ABLIM1: variants seen among roughly 807,000 people sequenced by gnomAD.
ABLIM1 encodes actin binding LIM protein 1.
In ABLIM1, 40 loss-of-function variants were observed where a neutral mutation model predicts 107.0. That is an observed-to-expected ratio of 0.37 (90% CI 0.29 to 0.49). ABLIM1 has a LOEUF of 0.49. ABLIM1 is among the 20% of genes least tolerant of loss of function. ABLIM1 has a pLI of 0.97. For missense variants in ABLIM1, 857 were observed against 1,008.5 expected (o/e 0.85, Z 2.04); for synonymous variants, 357 against 357.3 (o/e 1.00, Z 0.01).
chr10:114,533,139 A>C (rs948725066), intron 6 of ABLIM1, among the ~76,000 whole-genome samples: 1 of 152,206 alleles, frequency 6.6e-6, no homozygotes, highest in African/African-American at 2.4e-5. Context: ...CAGGAGTTCA[A>C]GACCAGCCTG....
intron 6 of ABLIM1, among the ~76,000 whole-genome samples, chr10:114,503,956 T>C (rs1361573320): frequency 1.3e-5 from 2 of 152,202 alleles, no homozygotes; most frequent in Admixed American, 1.3e-4. Flanking sequence ...ATAACCTCCA[T>C]ATTTAATTCC....
chr10:114,451,745 G>T, intron 13 of ABLIM1, 74 bp from the exon 14 acceptor site: 1 of 1,272,750 alleles, frequency 7.9e-7, no homozygotes, highest in Non-Finnish European at 1.1e-6. Context: ...TCAACCAAGG[G>T]GCAAATCAAA....
intron 1 of ABLIM1, among the ~76,000 whole-genome samples, chr10:114,671,573 C>T (rs1400799194): frequency 1.3e-5 from 2 of 152,216 alleles, no homozygotes; most frequent in Non-Finnish European, 2.9e-5. Flanking sequence ...TCAGTTTATA[C>T]TCCCACCAGC....
Position 114,757,423 on chromosome 10 carries a change from A to C in ABLIM1, c.-213+10638T>G, listed in dbSNP as rs555405006. 1.1e-4 allele frequency among the ~76,000 whole-genome samples: 16 copies of C among 152,334 alleles called. 1 individual carries two copies. In the South Asian group the frequency reaches 2.3e-3, roughly 22 times the overall value. On this transcript the variant is annotated intron_variant, in intron 1 of 15. Transcript: ENST00000651092. ...TAGAAGGCTGACTAAGAAACATTTCAAATGTCCAAAATACTTGATCTCCTC... is the reference window on the plus strand; with the variant it reads ...TAGAAGGCTGACTAAGAAACATTTCCAATGTCCAAAATACTTGATCTCCTC...
At chr10:114,529,562 T>C (rs908881231) in intron 6 of ABLIM1, among the ~76,000 whole-genome samples, 1 of 152,178 alleles carries the variant, frequency 6.6e-6, no homozygotes, top group Non-Finnish European at 1.5e-5. Flanking sequence ...AATTTCCAAA[T>C]TCGTGAGTTT....
chr10:114,738,406 G>A (rs1256720329), intron 1 of ABLIM1, among the ~76,000 whole-genome samples: 1 of 152,184 alleles, frequency 6.6e-6, no homozygotes, highest in African/African-American at 2.4e-5. Context: ...GAAGGGATGA[G>A]AGAAATTCAG....
intron 6 of ABLIM1, among the ~76,000 whole-genome samples, chr10:114,533,568 A>C (rs1441942908): frequency 6.6e-6 from 1 of 152,210 alleles, no homozygotes; most frequent in Non-Finnish European, 1.5e-5. Flanking sequence ...ACTTCTTTTT[A>C]GTAATCACCA....
intron 1 of ABLIM1, among the ~76,000 whole-genome samples, chr10:114,679,570 G>C (rs1281064946): frequency 6.7e-6 from 1 of 150,140 alleles, no homozygotes; most frequent in Non-Finnish European, 1.5e-5. Flanking sequence ...TGGAGGTGGA[G>C]GTTGCAGTGA....
At chr10:114,644,280 C>CAAAAAAAA (rs1170954656) in intron 1 of ABLIM1, among the ~76,000 whole-genome samples, 5 of 18,640 alleles carry the variant, frequency 2.7e-4, no homozygotes, top group Non-Finnish European at 4.1e-4. Context: ...GACTCCATCT[C>CAAAAAAAA]AAAAAAAAAA....
intron 1 of ABLIM1, among the ~76,000 whole-genome samples, chr10:114,605,295 T>G (rs753545228): frequency 1.1e-4 from 17 of 152,204 alleles, no homozygotes; most frequent in Non-Finnish European, 2.1e-4. Context: ...ACCACATGTA[T>G]GTTTGTTGAC....
chr10:114,540,979 T>TC (rs1201113794), intron 6 of ABLIM1, among the ~76,000 whole-genome samples: 1 of 151,938 alleles, frequency 6.6e-6, no homozygotes, highest in Non-Finnish European at 1.5e-5. Context: ...GATGGTGAGG[T>TC]CATCTTGGAT....
rs71473052 is a variant in ABLIM1 at position 114,640,564 on chromosome 10, C to CAAA, written c.244+17390_244+17392dup. On this transcript the variant is annotated intron_variant, in intron 1 of 22. Coordinates refer to ENST00000533213, the MANE Select transcript of ABLIM1 (RefSeq NM_002313.7). ...CCAACAACAACAACAACAACAACAA[C>CAAA]AAAAAACAGTTGAGTCAGATTTGTG... Among the ~76,000 whole-genome samples the CAAA allele has an allele frequency of 4.6e-5, 7 of 151,792 alleles. No individual in the cohort carries two copies. The South Asian group carries it at 1.3e-3, about 27-fold the overall frequency.
intron 4 of ABLIM1, among the ~76,000 whole-genome samples, chr10:114,552,579 G>C (rs1001621956): frequency 2.0e-5 from 3 of 151,848 alleles, no homozygotes; most frequent in African/African-American, 7.3e-5. Context: ...GAAAAAAGCA[G>C]GGATTTGGCT....
chr10:114,455,865 T>A (rs1379345300), intron 12 of ABLIM1, among the ~76,000 whole-genome samples: 1 of 148,896 alleles, frequency 6.7e-6, no homozygotes, highest in Admixed American at 6.9e-5. Context: ...CAGGCTGGAG[T>A]GCAGTGGCGC....
upstream of ABLIM1, among the ~76,000 whole-genome samples, chr10:114,687,843 T>A (rs2080978697): frequency 6.6e-6 from 1 of 152,178 alleles, no homozygotes; most frequent in Admixed American, 6.5e-5. Context: ...AAAGGTCAGA[T>A]TCAATAAGGA....
chr10:114,524,164 A>G (rs1430078418), intron 6 of ABLIM1, among the ~76,000 whole-genome samples: 7 of 151,978 alleles, frequency 4.6e-5, no homozygotes, highest in Non-Finnish European at 8.8e-5. Context: ...GGTACATCTC[A>G]TCTGGTTTGG....
chr10:114,561,485 T>C (rs532221671), intron 4 of ABLIM1, among the ~76,000 whole-genome samples: 1 of 152,288 alleles, frequency 6.6e-6, no homozygotes, highest in East Asian at 1.9e-4. Flanking sequence ...GGGTGGGAAA[T>C]ACACTAAAAA....
chr10:114,664,979 G>T (rs1283784109), intron 1 of ABLIM1, among the ~76,000 whole-genome samples: 1 of 151,932 alleles, frequency 6.6e-6, no homozygotes, highest in Non-Finnish European at 1.5e-5. Context: ...TTAGCCGGGT[G>T]CGGTGGCAGG....
chr10:114,769,201 A>G (rs808348), upstream of ABLIM1, among the ~76,000 whole-genome samples: 7,406 of 143,596 alleles, frequency 0.052, 265 homozygotes, highest in Middle Eastern at 0.092. Flanking sequence ...AAAAAAGCAA[A>G]TTAGCAGGCC....
Sources: gnomAD v4.1 joint callset for allele counts (sites outside exome capture counted in the v4.1 genomes callset) on GRCh38, gnomAD v4.1.1 for gene constraint, MANE v1.5 for transcripts, NCBI Gene and HGNC (gene_info 2026-07-23, HGNC 2026-07-21) for gene names.